Variants in XPO7 observed in about 807,000 individuals in gnomAD.
The protein encoded by XPO7 is exportin-7.
XPO7 carries 21 observed loss-of-function variants against 144.3 expected under a neutral mutation model. The observed-to-expected ratio is 0.15, with a 90% CI of 0.10 to 0.21. XPO7 has a LOEUF of 0.21. Ranked by LOEUF, XPO7 falls within the 10% of genes least tolerant of loss-of-function variation. XPO7 has a pLI of 1.00. For synonymous variants in XPO7, 580 were observed against 499.6 expected (o/e 1.16, Z -2.15); for missense variants, 808 against 1,325.8 (o/e 0.61, Z 6.06).
At chr8:22,001,990 C>G in intron 24 of XPO7, 122 bp from the exon 25 acceptor site, 1 of 1,214,094 alleles carries the variant, frequency 8.2e-7, no homozygotes, top group Non-Finnish European at 1.1e-6. Flanking sequence ...CAGGAGTCAT[C>G]TTGAGCAACC....
Position 21,919,672 on chromosome 8 carries a change from C to CGCAGCGGCGACGGCGTCG in XPO7, c.-96_-79dup, listed in dbSNP as rs1319112535. The CGCAGCGGCGACGGCGTCG allele has an allele frequency of 3.3e-5, 6 of 181,368 alleles. No homozygotes were observed. Among genetic ancestry groups the CGCAGCGGCGACGGCGTCG allele is most frequent in the African/African-American group, 1.2e-4 (5 of 41,696 alleles). The allele number at this position is 181,368 out of a possible 1,614,324, so 11.2% of individuals were successfully genotyped here. A position where few individuals can be genotyped will look rare whatever the true frequency, so the allele number is the denominator to read the frequency against. On this transcript the variant is annotated 5_prime_UTR_variant, in exon 1 of 28. Transcript: ENST00000252512. ...GCGCGACGAGTCCCCAGCGCGCAGG[C>CGCAGCGGCGACGGCGTCG]GCAGCGGCGACGGCGTCGGCGGCGG...
intron 13 of XPO7, among the ~76,000 whole-genome samples, chr8:21,986,737 A>G (rs1016333395): frequency 3.3e-5 from 5 of 152,210 alleles, no homozygotes; most frequent in Admixed American, 3.3e-4. Flanking sequence ...ACAATGATGG[A>G]GTCTCATTCA....
chr8:21,923,158 T>G (rs1052732415), intron 1 of XPO7, among the ~76,000 whole-genome samples: 4 of 152,256 alleles, frequency 2.6e-5, no homozygotes, highest in Non-Finnish European at 5.9e-5. Context: ...TTCTAACTTT[T>G]TTCCAGTTCG....
intron 4 of XPO7, 126 bp downstream of exon 4, chr8:21,970,436 A>C: frequency 1.0e-6 from 1 of 990,732 alleles, no homozygotes; most frequent in Non-Finnish European, 1.4e-6. Flanking sequence ...ACAAAATAGA[A>C]TTATATGATA....
intron 25 of XPO7, among the ~76,000 whole-genome samples, chr8:22,002,624 CA>C (rs1409021530): frequency 6.6e-6 from 1 of 151,452 alleles, no homozygotes; most frequent in Admixed American, 6.6e-5. Context: ...TTCCTGTTTA[CA>C]AAACAGGAAG....
In XPO7 at chr8:21,974,975, C is replaced by T. The variant is rs192368473; in HGVS notation, c.597+201C>T. 8.7e-4 allele frequency among the ~76,000 whole-genome samples: 132 copies of T among 152,170 alleles called. 1 individual carries two copies. The Middle Eastern group carries it at 0.01, about 12-fold the overall frequency. On this transcript the variant is annotated intron_variant, in intron 6 of 27. Coordinates refer to ENST00000252512, the MANE Select transcript of XPO7 (RefSeq NM_015024.5). ...GAGGTTGGAGAAATGATTGTCACTT[C>T]CCTGTTTAAGCTCAATTCCCCTAGG...
intron 9 of XPO7, among the ~76,000 whole-genome samples, chr8:21,980,410 A>C (rs570162923): frequency 1.3e-5 from 2 of 152,224 alleles, no homozygotes; most frequent in Non-Finnish European, 2.9e-5. Flanking sequence ...TGTAGGAGTT[A>C]CAGGAAAGAA....
chr8:22,001,962 A>G (rs1813162656), intron 24 of XPO7, 150 bp from the exon 25 acceptor site: 2 of 793,666 alleles, frequency 2.5e-6, no homozygotes, highest in Admixed American at 2.9e-5. Context: ...CTACTGTACA[A>G]TGAGGTTAAG....
At chr8:21,941,412 A>G (rs747986767) in intron 1 of XPO7, among the ~76,000 whole-genome samples, 4 of 152,144 alleles carry the variant, frequency 2.6e-5, no homozygotes, top group Admixed American at 2.6e-4. Flanking sequence ...TTGGCCTTCC[A>G]AAGTGCTGGG....
intron 1 of XPO7, among the ~76,000 whole-genome samples, chr8:21,950,391 T>C (rs1404843605): frequency 1.3e-5 from 2 of 152,226 alleles, no homozygotes; most frequent in Non-Finnish European, 2.9e-5. Flanking sequence ...ATTCCTAAAC[T>C]ATAGGAGCTA....
At chr8:21,930,826 T>C (rs1810620526) in intron 1 of XPO7, among the ~76,000 whole-genome samples, 1 of 152,158 alleles carries the variant, frequency 6.6e-6, no homozygotes, top group South Asian at 2.1e-4. Flanking sequence ...AAATTCCATT[T>C]CAATAGCCTT....
chr8:21,933,463 A>T (rs1031343350), intron 1 of XPO7, among the ~76,000 whole-genome samples: 9 of 152,166 alleles, frequency 5.9e-5, no homozygotes, highest in African/African-American at 2.2e-4. Context: ...AATATAATAC[A>T]GTTTGAAAAT....
chr8:21,943,635 T>C (rs1241331640), intron 1 of XPO7, among the ~76,000 whole-genome samples: 2 of 152,208 alleles, frequency 1.3e-5, no homozygotes, highest in African/African-American at 4.8e-5. Flanking sequence ...ATCCTGTTTC[T>C]TCCCTCCTAT....
chr8:21,969,682 A>G, intron 3 of XPO7, 106 bp downstream of exon 3: 1 of 1,107,458 alleles, frequency 9.0e-7, no homozygotes, highest in Non-Finnish European at 1.3e-6. Flanking sequence ...TGAGATTGCT[A>G]ACCATACAAA....
Position 21,952,013 on chromosome 8 carries a change from T to C in XPO7, c.19-14844T>C, listed in dbSNP as rs184510697. On this transcript the variant is annotated intron_variant, in intron 1 of 27. Transcript: ENST00000252512. ...ACCATCCCCACATTGTGCAAAAATG[T>C]GGCGTTAATGACCTGTTCAGCAGGT... is the stretch of plus-strand genomic sequence containing the variant. Among the ~76,000 whole-genome samples, 383 of 152,264 alleles carry C rather than the reference T, an allele frequency of 2.5e-3. 2 individuals are homozygous for C. The highest frequency in any genetic ancestry group is 3.6e-3 in the Non-Finnish European group (244 of 68,008).
intron 1 of XPO7, among the ~76,000 whole-genome samples, chr8:21,934,288 C>T (rs1002457988): frequency 6.6e-6 from 1 of 152,138 alleles, no homozygotes; most frequent in Non-Finnish European, 1.5e-5. Flanking sequence ...AATCCCAGCA[C>T]TTTGGGAGGC....
At chr8:21,936,667 A>G (rs991908400) in intron 1 of XPO7, among the ~76,000 whole-genome samples, 27 of 152,214 alleles carry the variant, frequency 1.8e-4, no homozygotes, top group African/African-American at 6.3e-4. Flanking sequence ...TTTTTGGTGT[A>G]TATTAGCATA....
At chr8:21,922,268 T>C (rs1203031051) in intron 1 of XPO7, among the ~76,000 whole-genome samples, 1 of 152,158 alleles carries the variant, frequency 6.6e-6, no homozygotes, top group Non-Finnish European at 1.5e-5. Flanking sequence ...ATCTCTCTTC[T>C]AAGGATATGT....
In XPO7 at chr8:21,949,814, C is replaced by G. The variant is rs571358894; in HGVS notation, c.19-17043C>G. Reference sequence around the variant, plus strand: ...GCACCATCTCGGCTCACTGTACCCTCCACCTTCCAGCTTCAAGCGATTCTC... The same window carrying G: ...GCACCATCTCGGCTCACTGTACCCTGCACCTTCCAGCTTCAAGCGATTCTC... On this transcript the variant is annotated intron_variant, in intron 1 of 27. Transcript: ENST00000252512. Among the ~76,000 whole-genome samples, 4 of 152,316 alleles carry G rather than the reference C, an allele frequency of 2.6e-5. No homozygotes were observed. In the South Asian group the frequency reaches 8.3e-4, roughly 32 times the overall value.
Sources: allele counts gnomAD v4.1 joint callset (sites outside exome capture counted in the v4.1 genomes callset), GRCh38; gene constraint gnomAD v4.1.1; transcripts MANE v1.5; gene names NCBI Gene and HGNC (gene_info 2026-07-23, HGNC 2026-07-21).